The following NPC1 variants were observed in gnomAD, a reference collection of about 807,000 sequenced individuals.
NPC1 encodes NPC intracellular cholesterol transporter 1, also known as Niemann-Pick C1 protein.
In NPC1, 85 loss-of-function variants were observed where a neutral mutation model predicts 140.4. The observed-to-expected ratio is 0.61, with a 90% confidence interval of 0.51 to 0.72. NPC1 has a LOEUF of 0.72. Ranked by LOEUF, NPC1 falls within the 30% of genes least tolerant of loss-of-function variation. NPC1 has a pLI of 0.00. For synonymous variants in NPC1, 656 were observed against 624.8 expected (o/e 1.05, Z -0.74); for missense variants, 1,504 against 1,623.8 (o/e 0.93, Z 1.27).
rs530574549 is a variant in NPC1, at chr18:23,567,581, T to TTG, written c.463+1240_463+1241dup. ...CAAATACTTTCTCCCAGTCTGTGTC[T>TTG]TGTCTTCTCGTTCTTGAGGTCTTCA... On this transcript the variant is annotated intron_variant, in intron 4 of 24. Transcript: ENST00000269228. 4.2e-3 allele frequency among the ~76,000 whole-genome samples: 633 copies of TTG among 152,350 alleles called. 3 individuals carry two copies. Among genetic ancestry groups the TTG allele is most frequent in the Non-Finnish European group, 3.9e-3 (265 of 68,032 alleles).
intron 1 of NPC1, among the ~76,000 whole-genome samples, chr18:23,584,302 GCAGACA>G (rs1307946253): frequency 1.1e-4 from 17 of 152,268 alleles, no homozygotes; most frequent in South Asian, 2.1e-4. Flanking sequence ...AATTCTAAAA[GCAGACA>G]CACTCTCTCT....
At chr18:23,533,601 G>C in intron 23 of NPC1, 84 bp from the exon 24 acceptor site, 1 of 1,348,316 alleles carries the variant, frequency 7.4e-7, no homozygotes, top group Non-Finnish European at 1.1e-6. Context: ...ATTTCTCCCA[G>C]GTTCAAGTGA....
chr18:23,521,445 C>T (rs535466756), downstream of NPC1, among the ~76,000 whole-genome samples: 5 of 152,252 alleles, frequency 3.3e-5, no homozygotes, highest in East Asian at 7.7e-4. Flanking sequence ...TCTCACATTC[C>T]GTGTGACAGT....
intron 23 of NPC1, chr18:23,533,861 A>G (rs1196560922): frequency 5.4e-6 from 2 of 373,254 alleles, no homozygotes; most frequent in Non-Finnish European, 5.1e-6. Flanking sequence ...GAACCCAGGT[A>G]GCATCATCTA....
chr18:23,574,892 G>GA (rs1284729721), intron 1 of NPC1, among the ~76,000 whole-genome samples: 1 of 152,016 alleles, frequency 6.6e-6, no homozygotes, highest in East Asian at 1.9e-4. Context: ...TGATTCTAAG[G>GA]AAAAAAGAAA....
intron 3 of NPC1, among the ~76,000 whole-genome samples, chr18:23,514,952 T>C (rs971406783): frequency 9.9e-5 from 15 of 152,230 alleles, no homozygotes; most frequent in African/African-American, 3.6e-4. Flanking sequence ...TTAGGGTACA[T>C]TGAAAATGTG....
intron 14 of NPC1, 124 bp from the exon 15 acceptor site, chr18:23,541,557 G>T: frequency 8.0e-7 from 1 of 1,256,352 alleles, no homozygotes; most frequent in Non-Finnish European, 1.1e-6. Context: ...GAGAAGGCAT[G>T]CTGCGGCTGG....
At chr18:23,545,799 G>C (rs1264288629) in intron 11 of NPC1, among the ~76,000 whole-genome samples, 1 of 152,134 alleles carries the variant, frequency 6.6e-6, no homozygotes, top group African/African-American at 2.4e-5. Context: ...TTGCCATGTT[G>C]TGCAAGCTGG....
At position 23,583,173 on chromosome 18, in the gene NPC1, G is replaced by A. The variant is rs149356486; in HGVS notation, c.57+3114C>T. 3.0e-3 allele frequency among the ~76,000 whole-genome samples: 462 copies of A among 151,506 alleles called. 2 individuals are homozygous for A. The highest frequency in any genetic ancestry group is 0.018 in the East Asian group (91 of 5,158). ...GGCCACATTTGTAGATGATATTGGA[G>A]AGCAACAGTTATTGCTCTTAAGGAG... On this transcript the variant is annotated intron_variant, in intron 1 of 24. Coordinates refer to ENST00000269228, the MANE Select transcript of NPC1 (RefSeq NM_000271.5).
intron 23 of NPC1, chr18:23,533,762 T>C: frequency 4.0e-6 from 2 of 498,210 alleles, no homozygotes; most frequent in Non-Finnish European, 7.3e-6. Context: ...AGCCTTGGCC[T>C]CCCAAAGTGC....
intron 1 of NPC1, among the ~76,000 whole-genome samples, chr18:23,583,918 G>A (rs941544256): frequency 6.6e-6 from 1 of 152,188 alleles, no homozygotes; most frequent in Non-Finnish European, 1.5e-5. Context: ...ATTTCAGATG[G>A]TTGTTCTTAA....
chr18:23,550,812 C>G (rs2058861353), intron 10 of NPC1, among the ~76,000 whole-genome samples: 1 of 152,114 alleles, frequency 6.6e-6, no homozygotes, highest in Non-Finnish European at 1.5e-5. Context: ...ATCTTTTATC[C>G]ATCTGGAATT....
chr18:23,565,277 T>C (rs1367721008), intron 4 of NPC1, among the ~76,000 whole-genome samples: 1 of 152,248 alleles, frequency 6.6e-6, no homozygotes, highest in Non-Finnish European at 1.5e-5. Context: ...ATTAAGTCTT[T>C]TGATTGATAA....
In NPC1 at chr18:23,545,063, C is replaced by T. The variant is rs773351341; in HGVS notation, c.1844G>A (p.Arg615His). The T allele has an allele frequency of 1.9e-6, 3 of 1,609,968 alleles. No individual in the cohort carries two copies. The highest frequency in any genetic ancestry group is 2.2e-5 in the East Asian group (1 of 44,660). ...AERSIEDELN[R>H]ESDSDVFTVV... is the part of the protein sequence containing the mutation. ...GGTGAAGACATCACTGTCACTTTCACGATTTAGTTCATCTTCAATACTTCG... is the reference window on the plus strand; with the variant it reads ...GGTGAAGACATCACTGTCACTTTCATGATTTAGTTCATCTTCAATACTTCG... Residue 615 changes from arginine (R) to histidine (H), a missense_variant, in exon 12 of 25, where the codon CGT becomes CAT. Transcript: ENST00000269228.
At chr18:23,573,692 A>G in intron 1 of NPC1, 118 bp from the exon 2 acceptor site, 1 of 1,173,404 alleles carries the variant, frequency 8.5e-7, no homozygotes, top group South Asian at 1.2e-5. Context: ...AAATTAAGTA[A>G]CAGCAACAGG....
At chr18:23,558,137 C>T (rs1268731079) in intron 6 of NPC1, among the ~76,000 whole-genome samples, 1 of 152,068 alleles carries the variant, frequency 6.6e-6, no homozygotes, top group African/African-American at 2.4e-5. Flanking sequence ...CAGGCAAACA[C>T]CTTAGTTATA....
chr18:23,573,164 T>G (rs2059227418), intron 2 of NPC1, among the ~76,000 whole-genome samples: 2 of 152,236 alleles, frequency 1.3e-5, no homozygotes, highest in Non-Finnish European at 2.9e-5. Context: ...ATTTTGCAGA[T>G]GCTGCAAGGG....
downstream of NPC1, among the ~76,000 whole-genome samples, chr18:23,521,678 C>A (rs1322417749): frequency 6.9e-6 from 1 of 145,160 alleles, no homozygotes; most frequent in Non-Finnish European, 1.5e-5. Flanking sequence ...AAAGAATATT[C>A]AACACACACT....
chr18:23,557,689 C>T (rs2058974974), intron 6 of NPC1, among the ~76,000 whole-genome samples: 1 of 152,126 alleles, frequency 6.6e-6, no homozygotes. Flanking sequence ...TTGCAGTGAG[C>T]TGAGATCGCG....
Sources: gnomAD v4.1 joint callset for allele counts (sites outside exome capture counted in the v4.1 genomes callset) on GRCh38, gnomAD v4.1.1 for gene constraint, MANE v1.5 for transcripts, NCBI Gene and HGNC (gene_info 2026-07-23, HGNC 2026-07-21) for gene names.